GFRA1: variants seen among roughly 807,000 people sequenced by gnomAD.
The protein encoded by GFRA1 is GDNF family receptor alpha-1.
In GFRA1, 16 loss-of-function variants were observed where a neutral mutation model predicts 51.6. The ratio of observed to expected loss-of-function variants is 0.31; its 90% CI spans 0.21 to 0.47. GFRA1 has a LOEUF of 0.47. Among genes scored for constraint, GFRA1 ranks in the 20% least tolerant of loss-of-function variants. GFRA1 has a pLI of 1.00. For missense variants in GFRA1, 530 were observed against 594.3 expected, an observed-to-expected ratio of 0.89 and a Z score of 1.13; for synonymous variants, 270 against 241.3, an observed-to-expected ratio of 1.12 and a Z score of -1.10.
intron 4 of GFRA1, among the ~76,000 whole-genome samples, chr10:116,234,829 G>A (rs1408738785): frequency 6.6e-6 from 1 of 152,114 alleles, no homozygotes; most frequent in Non-Finnish European, 1.5e-5. Flanking sequence ...CATTTCATGG[G>A]AGGGACCCGA....
chr10:116,105,833 C>T (rs896311762), intron 6 of GFRA1, among the ~76,000 whole-genome samples: 12 of 152,298 alleles, frequency 7.9e-5, no homozygotes, highest in South Asian at 4.1e-4. Context: ...AAACTGCTTG[C>T]GGCAGGCAGA....
chr10:116,070,835 T>C (rs75839232), intron 9 of GFRA1, among the ~76,000 whole-genome samples: 1,820 of 149,178 alleles, frequency 0.012, 24 homozygotes, highest in Non-Finnish European at 0.017. Flanking sequence ...GTTTTATCGC[T>C]GGTCTGGTCC....
intron 4 of GFRA1, among the ~76,000 whole-genome samples, chr10:116,266,711 A>C (rs906537231): frequency 3.9e-5 from 6 of 152,238 alleles, no homozygotes; most frequent in African/African-American, 1.2e-4. Context: ...ATGGGATCCA[A>C]GGAATGCATA....
intron 9 of GFRA1, among the ~76,000 whole-genome samples, chr10:116,085,840 A>C (rs1956078695): frequency 6.6e-6 from 1 of 152,226 alleles, no homozygotes; most frequent in Non-Finnish European, 1.5e-5. Context: ...AAAGAAACCC[A>C]GTCTGAAGTC....
At chr10:116,158,198 G>A (rs1416832668) in intron 5 of GFRA1, among the ~76,000 whole-genome samples, 1 of 152,232 alleles carries the variant, frequency 6.6e-6, no homozygotes, top group Non-Finnish European at 1.5e-5. Flanking sequence ...TGGCTGGAAA[G>A]CAGAATCATT....
At chr10:116,194,901 A>G (rs955022260) in intron 5 of GFRA1, among the ~76,000 whole-genome samples, 2 of 152,198 alleles carry the variant, frequency 1.3e-5, no homozygotes, top group African/African-American at 2.4e-5. Flanking sequence ...CAGACAAGGA[A>G]CAAGAGACAT....
chr10:116,231,615 T>C (rs1966680986), intron 4 of GFRA1, among the ~76,000 whole-genome samples: 1 of 152,176 alleles, frequency 6.6e-6, no homozygotes, highest in Non-Finnish European at 1.5e-5. Flanking sequence ...AACAATGCTT[T>C]CCATTCTTAA....
intron 4 of GFRA1, among the ~76,000 whole-genome samples, chr10:116,265,691 G>T (rs1412411307): frequency 6.6e-6 from 1 of 152,166 alleles, no homozygotes; most frequent in Non-Finnish European, 1.5e-5. Flanking sequence ...ATTGCGCACG[G>T]TGGCTTCTGC....
At chr10:116,170,755 C>G (rs1041202853) in intron 5 of GFRA1, among the ~76,000 whole-genome samples, 1 of 152,108 alleles carries the variant, frequency 6.6e-6, no homozygotes, top group African/African-American at 2.4e-5. Flanking sequence ...AAATGTAAAC[C>G]TATTGGTTCA....
chr10:116,231,802 T>C (rs1201551560), intron 4 of GFRA1, among the ~76,000 whole-genome samples: 1 of 152,218 alleles, frequency 6.6e-6, no homozygotes, highest in African/African-American at 2.4e-5. Flanking sequence ...TGACAGGCAT[T>C]ACTTCACATT....
chr10:116,195,456 T>C (rs1963653067), intron 5 of GFRA1, among the ~76,000 whole-genome samples: 1 of 152,178 alleles, frequency 6.6e-6, no homozygotes, highest in African/African-American at 2.4e-5. Context: ...ATGAAACTAT[T>C]CCACCTCAGA....
intron 6 of GFRA1, among the ~76,000 whole-genome samples, chr10:116,110,324 G>A (rs566493374): frequency 6.6e-5 from 10 of 152,234 alleles, no homozygotes; most frequent in African/African-American, 2.2e-4. Flanking sequence ...CTGTGGAGGA[G>A]GTGCTGGTAG....
At chr10:116,079,832 C>A (rs1263431373) in intron 9 of GFRA1, among the ~76,000 whole-genome samples, 3 of 152,098 alleles carry the variant, frequency 2.0e-5, no homozygotes, top group Admixed American at 6.5e-5. Flanking sequence ...TGCAGCCCAC[C>A]CTCAGCAGAG....
At chr10:116,257,256 T>C (rs1968934227) in intron 4 of GFRA1, among the ~76,000 whole-genome samples, 3 of 152,166 alleles carry the variant, frequency 2.0e-5, no homozygotes, top group African/African-American at 7.2e-5. Flanking sequence ...CTGGTCCCTG[T>C]CTGCTCTGCT....
chr10:116,150,343 C>A (rs762591679), intron 5 of GFRA1, among the ~76,000 whole-genome samples: 2 of 152,188 alleles, frequency 1.3e-5, no homozygotes, highest in Non-Finnish European at 2.9e-5. Flanking sequence ...AACTCTGGCC[C>A]TACTTCATTT....
chr10:116,104,664 C>A (rs948237108), intron 6 of GFRA1, among the ~76,000 whole-genome samples: 1 of 152,160 alleles, frequency 6.6e-6, no homozygotes, highest in Non-Finnish European at 1.5e-5. Flanking sequence ...AGTAGCCCCC[C>A]GAGGGAAGTC....
Position 116,076,790 on chromosome 10 carries a change from T to G in GFRA1, c.1198-11164A>C, listed in dbSNP as rs193224716. Among the ~76,000 whole-genome samples, 15 of 152,340 alleles carry G rather than the reference T, an allele frequency of 9.8e-5. No homozygotes were observed. The East Asian group carries it at 2.7e-3, about 27-fold the overall frequency. Reference sequence around the variant, plus strand: ...CCCATGGTGTGCTCCCTAAGCTATGTGATAACTGTGTTTGTATCCCTGGGC... The same window carrying G: ...CCCATGGTGTGCTCCCTAAGCTATGGGATAACTGTGTTTGTATCCCTGGGC... On this transcript the variant is annotated intron_variant, in intron 9 of 10. Coordinates refer to ENST00000355422, the MANE Select transcript of GFRA1 (RefSeq NM_005264.8).
intron 3 of GFRA1, among the ~76,000 whole-genome samples, chr10:116,270,260 C>G (rs929078267): frequency 1.3e-5 from 2 of 152,212 alleles, no homozygotes; most frequent in Non-Finnish European, 2.9e-5. Context: ...GGTTGAACCA[C>G]ACCAGCTGGT....
In GFRA1 at chr10:116,272,823, T is replaced by G. The variant is rs1844059349; in HGVS notation, c.-247+340A>C. The stretch of plus-strand genomic sequence containing the variant: ...GCCGCCAAGCCAGGGGGAACCGATG[T>G]CCCGACTGGGGCTGAAACCCGGTTC... On this transcript the variant is annotated intron_variant, in intron 1 of 10. Coordinates refer to ENST00000355422, the MANE Select transcript of GFRA1 (RefSeq NM_005264.8). This position sits in a 1 kb window ranked among gnomAD's most constrained non-coding sequence, Gnocchi z 4.4. 1 of 152,232 alleles carries G rather than the reference T, an allele frequency of 6.6e-6. No individual in the cohort carries two copies. Among genetic ancestry groups the G allele is most frequent in the Admixed American group, 6.5e-5 (1 of 15,276 alleles). The allele number at this position is 152,232 out of a possible 1,614,324, so 9.4% of individuals were successfully genotyped here.
Sources: gnomAD v4.1 joint callset for allele counts (sites outside exome capture counted in the v4.1 genomes callset) on GRCh38, gnomAD v4.1.1 for gene constraint, Gnocchi (gnomAD v3.1) non-coding constraint, MANE v1.5 for transcripts, NCBI Gene and HGNC (gene_info 2026-07-23, HGNC 2026-07-21) for gene names.